NRG1: variants seen among roughly 807,000 people sequenced by gnomAD.
The protein encoded by NRG1 is neuregulin 1.
NRG1 carries 18 observed loss-of-function variants against 63.8 expected under a neutral mutation model. The observed-to-expected ratio is 0.28, with a 90% CI of 0.19 to 0.42. NRG1 has a LOEUF of 0.42. NRG1 is among the 10% of genes least tolerant of loss of function. NRG1 has a pLI of 1.00. For missense variants in NRG1, 762 were observed against 814.7 expected, an observed-to-expected ratio of 0.94 and a Z score of 0.79; for synonymous variants, 302 against 301.3, an observed-to-expected ratio of 1.00 and a Z score of -0.02.
At chr8:31,755,120 G>A (rs1816839835) in intron 1 of NRG1, among the ~76,000 whole-genome samples, 1 of 152,058 alleles carries the variant, frequency 6.6e-6, no homozygotes, top group Non-Finnish European at 1.5e-5. Flanking sequence ...GGCCTGCACT[G>A]CTCTGGGCAT....
intron 1 of NRG1, among the ~76,000 whole-genome samples, chr8:31,718,826 A>G (rs1275956466): frequency 6.6e-6 from 1 of 152,212 alleles, no homozygotes; most frequent in Non-Finnish European, 1.5e-5. Context: ...TTAGATATAT[A>G]TGTGATGATT....
At chr8:31,997,515 T>C (rs1474858713) in intron 1 of NRG1, among the ~76,000 whole-genome samples, 4 of 152,004 alleles carry the variant, frequency 2.6e-5, no homozygotes, top group Non-Finnish European at 5.9e-5. Flanking sequence ...ATCACTTCAT[T>C]TAATCATCAA....
At chr8:32,261,118 A>G (rs1444965716) in intron 1 of NRG1, among the ~76,000 whole-genome samples, 1 of 152,200 alleles carries the variant, frequency 6.6e-6, no homozygotes, top group Non-Finnish European at 1.5e-5. Context: ...GAGTTCCTGT[A>G]TACCTGTCTT....
intron 1 of NRG1, among the ~76,000 whole-genome samples, chr8:31,736,516 A>G (rs1019976101): frequency 1.3e-5 from 2 of 152,168 alleles, no homozygotes; most frequent in African/African-American, 4.8e-5. Context: ...TTAATTATCC[A>G]TAATTGGGTA....
intron 1 of NRG1, among the ~76,000 whole-genome samples, chr8:32,020,110 C>G (rs1445344938): frequency 2.0e-5 from 3 of 152,118 alleles, no homozygotes; most frequent in Admixed American, 2.0e-4. Context: ...AAATTGACAT[C>G]TTAACAATAT....
intron 1 of NRG1, among the ~76,000 whole-genome samples, chr8:32,390,381 T>C (rs998868587): frequency 4.6e-5 from 7 of 152,022 alleles, no homozygotes; most frequent in Non-Finnish European, 8.8e-5. Context: ...AGGTGTTTGA[T>C]ACCAACCTGG....
At chr8:32,261,287 A>T (rs2095854105) in intron 1 of NRG1, among the ~76,000 whole-genome samples, 1 of 152,074 alleles carries the variant, frequency 6.6e-6, no homozygotes, top group Non-Finnish European at 1.5e-5. Flanking sequence ...TCTAATTCAG[A>T]ATAACACGTG....
chr8:31,924,319 C>T (rs1286094109), intron 1 of NRG1, among the ~76,000 whole-genome samples: 1 of 150,964 alleles, frequency 6.6e-6, no homozygotes, highest in African/African-American at 2.4e-5. Flanking sequence ...CCACTGAACT[C>T]CAGCCTGGGC....
intron 3 of NRG1, among the ~76,000 whole-genome samples, chr8:32,609,552 C>CTCCCTCCTTCCT (rs1554602383): frequency 1.3e-4 from 11 of 83,174 alleles, no homozygotes; most frequent in African/African-American, 4.8e-4. Flanking sequence ...CCTTCCCTCC[C>CTCCCTCCTTCCT]TCCTTCCTTC....
At chr8:31,719,671 G>A (rs182025189) in intron 1 of NRG1, among the ~76,000 whole-genome samples, 27 of 152,246 alleles carry the variant, frequency 1.8e-4, no homozygotes, top group African/African-American at 6.0e-4. Context: ...GTCAACTGGG[G>A]TTTATTTTAA....
At chr8:32,115,924 C>T (rs1000632252) in intron 1 of NRG1, among the ~76,000 whole-genome samples, 3 of 152,140 alleles carry the variant, frequency 2.0e-5, no homozygotes, top group African/African-American at 7.2e-5. Context: ...CTAATTTTAT[C>T]ATTAACCAAT....
intron 1 of NRG1, among the ~76,000 whole-genome samples, chr8:31,809,788 T>C (rs528936793): frequency 1.4e-5 from 2 of 146,166 alleles, no homozygotes; most frequent in South Asian, 2.3e-4. Context: ...GTTGTTTGCA[T>C]TGGAGTAGCA....
chr8:31,712,173 G>T (rs1811827646), intron 1 of NRG1, among the ~76,000 whole-genome samples: 1 of 141,528 alleles, frequency 7.1e-6, no homozygotes, highest in African/African-American at 2.7e-5. Context: ...TATCATTTCT[G>T]TGATTTCACG....
chr8:32,727,299 C>T (rs1331652425), intron 5 of NRG1, among the ~76,000 whole-genome samples: 1 of 152,182 alleles, frequency 6.6e-6, no homozygotes, highest in Non-Finnish European at 1.5e-5. Context: ...TAGACTCTTT[C>T]CATTTCCTTA....
chr8:31,966,865 G>A lies in NRG1; in HGVS notation c.37+327434G>A, dbSNP rs563055414. On this transcript the variant is annotated intron_variant, in intron 1 of 10. Transcript: ENST00000519301. ...CCAATTCTCAGTGGTTTTTTTTATA[G>A]ACCATGAAATCATAGCTAAAGTCAA... Among the ~76,000 whole-genome samples, 59 of 151,758 alleles carry A rather than the reference G, an allele frequency of 3.9e-4. 1 individual carries two copies. In the South Asian group the frequency reaches 7.3e-3, roughly 19 times the overall value.
chr8:32,472,396 C>G (rs889492454), intron 1 of NRG1, among the ~76,000 whole-genome samples: 20 of 152,324 alleles, frequency 1.3e-4, no homozygotes, highest in African/African-American at 4.6e-4. Context: ...TCTCGAACTC[C>G]TGACCTCAGG....
At chr8:31,935,759 A>G (rs890997647) in intron 1 of NRG1, among the ~76,000 whole-genome samples, 6 of 152,200 alleles carry the variant, frequency 3.9e-5, no homozygotes, top group South Asian at 2.1e-4. Flanking sequence ...TTAGGTCACA[A>G]GTATCCCTGG....
At chr8:32,613,108 A>G (rs1357347163) in intron 3 of NRG1, among the ~76,000 whole-genome samples, 1 of 151,990 alleles carries the variant, frequency 6.6e-6, no homozygotes, top group Admixed American at 6.6e-5. Flanking sequence ...TGAGAAAATG[A>G]TGTACCCTCA....
At chr8:31,678,634 T>C (rs868265314) in intron 1 of NRG1, among the ~76,000 whole-genome samples, 1 of 151,310 alleles carries the variant, frequency 6.6e-6, no homozygotes, top group Non-Finnish European at 1.5e-5. Context: ...TTAAAAAAGA[T>C]TTTTTGTTCA....
Sources: gnomAD v4.1 joint callset for allele counts (sites outside exome capture counted in the v4.1 genomes callset) on GRCh38, gnomAD v4.1.1 for gene constraint, MANE v1.5 for transcripts, NCBI Gene and HGNC (gene_info 2026-07-23, HGNC 2026-07-21) for gene names.